Variants in NCKAP1L observed in about 807,000 individuals in gnomAD.
The protein encoded by NCKAP1L is NCK associated protein 1 like.
In NCKAP1L, 53 loss-of-function variants were observed where a neutral mutation model predicts 139.2. The ratio of observed to expected loss-of-function variants is 0.38; its 90% confidence interval spans 0.31 to 0.48. NCKAP1L has a LOEUF of 0.48. NCKAP1L is among the 20% of genes least tolerant of loss of function. NCKAP1L has a pLI of 0.98. For synonymous variants in NCKAP1L, 468 were observed against 499.7 expected (o/e 0.94, Z 0.85); for missense variants, 1,151 against 1,381.9 (o/e 0.83, Z 2.65).
At chr12:54,519,765 T>C (rs2706261) in intron 16 of NCKAP1L, among the ~76,000 whole-genome samples, 152,112 of 152,246 alleles carry the variant, frequency 1, 75,989 homozygotes, top group Middle Eastern at 1. Flanking sequence ...TTCTGTATTC[T>C]CTTTTGTTCT....
intron 29 of NCKAP1L, among the ~76,000 whole-genome samples, chr12:54,538,628 C>T (rs577042798): frequency 6.6e-5 from 10 of 152,150 alleles, no homozygotes; most frequent in Admixed American, 2.0e-4. Context: ...AGGTCGTTTC[C>T]CTGCCCCTTG....
At chr12:54,503,325 T>C (rs1467806672) in intron 3 of NCKAP1L, among the ~76,000 whole-genome samples, 1 of 151,924 alleles carries the variant, frequency 6.6e-6, no homozygotes, top group African/African-American at 2.4e-5. Flanking sequence ...AAAATTAATA[T>C]GATGTTTTTG....
chr12:54,514,120 A>G (rs1956911137), intron 9 of NCKAP1L, among the ~76,000 whole-genome samples: 2 of 152,104 alleles, frequency 1.3e-5, no homozygotes. Context: ...TATGTTTTGG[A>G]TATCTTTGAA....
chr12:54,531,364 T>C lies in NCKAP1L; in HGVS notation c.2604+7T>C. ...TCAGATTGTGGAGCTGAAGGTACTA[T>C]GGAAACAATCCCTTGGGGAAAAGAT... is the stretch of plus-strand genomic sequence containing the variant. On this transcript the variant is annotated splice_region_variant and intron_variant, in intron 23 of 30. Coordinates refer to ENST00000293373, the MANE Select transcript of NCKAP1L (RefSeq NM_005337.5). 6.2e-7 allele frequency: 1 copy of C among 1,613,822 alleles called. No individual in the cohort carries two copies. The highest frequency in any genetic ancestry group is 1.1e-5 in the South Asian group (1 of 91,066).
chr12:54,536,995 C>T lies in NCKAP1L; in HGVS notation c.3125C>T (p.Ala1042Val). The T allele has an allele frequency of 1.2e-6, 2 of 1,613,814 alleles. No homozygotes were observed. Among genetic ancestry groups the T allele is most frequent in the African/African-American group, 1.3e-5 (1 of 75,050 alleles). ...CLTKAIIQVS[A>V]ALFTLYNKNI... Reference sequence around the variant, plus strand: ...ACCAAAGCCATCATCCAGGTGTCTGCTGCCCTCTTCACGCTCTACAACAAG... The same window carrying T: ...ACCAAAGCCATCATCCAGGTGTCTGTTGCCCTCTTCACGCTCTACAACAAG... Residue 1042 changes from alanine to valine, a missense_variant, in exon 29 of 31, where the codon GCT becomes GTT. By Grantham distance (64) the Ala-to-Val change is moderately conservative (BLOSUM62 0). Coordinates refer to ENST00000293373, the MANE Select transcript of NCKAP1L (RefSeq NM_005337.5).
rs932395271 is a variant in NCKAP1L, at chr12:54,498,823, A to G, written c.103-532A>G. The G allele has an allele frequency of 2.2e-5, 22 of 985,106 alleles. No individual in the cohort carries two copies. The African/African-American group carries it at 3.5e-4, about 16-fold the overall frequency. 61.0% of individuals were successfully genotyped at this position (985,106 alleles called of 1,614,324 possible). A position where few individuals can be genotyped will look rare whatever the true frequency, so the allele number is the denominator to read the frequency against. The stretch of plus-strand genomic sequence containing the variant: ...CAGGCATTAAACTCTACCCATCAAG[A>G]CAAAATGCCTAGGTTGTTATTTCGC... On this transcript the variant is annotated intron_variant, in intron 1 of 30. Coordinates refer to ENST00000293373, the MANE Select transcript of NCKAP1L (RefSeq NM_005337.5).
At chr12:54,499,291 A>G (rs1956777373) in intron 1 of NCKAP1L, 64 bp from the exon 2 acceptor site, 2 of 918,122 alleles carry the variant, frequency 2.2e-6, no homozygotes, top group Non-Finnish European at 3.6e-6. Context: ...TGAATGTTGC[A>G]AGAAGAGGTA....
At chr12:54,516,582 A>G (rs1481712639) in intron 10 of NCKAP1L, among the ~76,000 whole-genome samples, 1 of 151,576 alleles carries the variant, frequency 6.6e-6, no homozygotes, top group Non-Finnish European at 1.5e-5. Flanking sequence ...AGTAGCTGGG[A>G]TTACAGGCAC....
At chr12:54,531,614 G>A (rs775795320) in intron 24 of NCKAP1L, 30 bp downstream of exon 24, 25 of 1,611,308 alleles carry the variant, frequency 1.6e-5, no homozygotes, top group Non-Finnish European at 1.6e-5. Context: ...ATAGTGAGAA[G>A]GAGCTGTGGA....
intron 30 of NCKAP1L, among the ~76,000 whole-genome samples, chr12:54,540,151 GT>G (rs1282159270): frequency 6.6e-6 from 1 of 152,180 alleles, no homozygotes; most frequent in Non-Finnish European, 1.5e-5. Flanking sequence ...ATACTAGTTT[GT>G]TAGCTTGATT....
Position 54,536,932 on chromosome 12 carries a change from A to G in NCKAP1L, c.3074-12A>G, listed in dbSNP as rs777495727. On this transcript the variant is annotated splice_polypyrimidine_tract_variant and intron_variant, in intron 28 of 30. Coordinates refer to ENST00000293373, the MANE Select transcript of NCKAP1L (RefSeq NM_005337.5). The stretch of plus-strand genomic sequence containing the variant: ...CTCTTTTTTCTCTCCATCTATATCA[A>G]TAATAACCTAGGTTACAACAACAAT... 9 of 1,582,112 alleles carry G rather than the reference A, an allele frequency of 5.7e-6. No individual in the cohort carries two copies.
chr12:54,517,256 GT>G (rs1239562021), intron 11 of NCKAP1L, among the ~76,000 whole-genome samples: 1 of 152,240 alleles, frequency 6.6e-6, no homozygotes, highest in East Asian at 1.9e-4. Context: ...GACAGAGCTT[GT>G]TTTTTTGTTT....
chr12:54,522,536 A>C (rs1259712567), intron 18 of NCKAP1L, among the ~76,000 whole-genome samples: 1 of 152,266 alleles, frequency 6.6e-6, no homozygotes, highest in Non-Finnish European at 1.5e-5. Context: ...AACTGCTTTC[A>C]GAATCTGCTA....
chr12:54,539,910 A>G (rs1180332737), intron 30 of NCKAP1L, among the ~76,000 whole-genome samples: 1 of 152,194 alleles, frequency 6.6e-6, no homozygotes, highest in Non-Finnish European at 1.5e-5. Context: ...ATATACCTCT[A>G]GTGCCCAAGG....
In NCKAP1L at chr12:54,520,751, G is replaced by A; in HGVS notation, c.1683G>A (p.Met561Ile). The change falls in exon 17 of 31, where the codon ATG (methionine) becomes ATA (isoleucine). Residue 561 changes from methionine to isoleucine, a missense_variant. By Grantham distance (10) the Met-to-Ile change is conservative (BLOSUM62 1). Transcript: ENST00000293373. ...CCATGACCTTGGAGGAATCTGCCAT[G>A]TTGCGTTATGCCATTGCTTTCCCCC... ...MFAMTLEESA[M>I]LRYAIAFPLI... The A allele has an allele frequency of 1.2e-6, 2 of 1,614,098 alleles. No homozygotes were observed. The highest frequency in any genetic ancestry group is 8.5e-7 in the Non-Finnish European group (1 of 1,180,016).
At chr12:54,526,504 A>ATT (rs368111457) in intron 20 of NCKAP1L, 24 bp from the exon 21 acceptor site, 48 of 1,194,748 alleles carry the variant, frequency 4.0e-5, no homozygotes, top group Middle Eastern at 2.1e-4. Context: ...TGTAATTCTA[A>ATT]TTTTTTTTTT....
chr12:54,532,123 G>T, intron 25 of NCKAP1L, 47 bp from the exon 26 acceptor site: 1 of 1,344,632 alleles, frequency 7.4e-7, no homozygotes, highest in South Asian at 1.3e-5. Context: ...ATTTTTGAAG[G>T]CATTGGTCAT....
chr12:54,536,308 G>A (rs990350279), intron 28 of NCKAP1L, 63 bp downstream of exon 28: 2 of 1,179,136 alleles, frequency 1.7e-6, no homozygotes. Context: ...GGTAGAGAGA[G>A]GAGACAGAGA....
chr12:54,523,498 A>G lies in NCKAP1L; in HGVS notation c.1983A>G (p.Pro661=). ...AAGGAGAGCCCGAGAGGGACAAGCC[A>G]GGAGCTGAGAGTCACCGGAAGAACC... ...PRKGEPERDK[P]GAESHRKNRS... Residue 661 remains proline (P), a synonymous_variant, in exon 19 of 31, where the codon CCA becomes CCG. Coordinates refer to ENST00000293373, the MANE Select transcript of NCKAP1L (RefSeq NM_005337.5). 6.2e-7 allele frequency: 1 copy of G among 1,614,030 alleles called. No homozygotes were observed. Among genetic ancestry groups the G allele is most frequent in the Non-Finnish European group, 8.5e-7 (1 of 1,179,996 alleles).
Sources: gnomAD v4.1 joint callset for allele counts (sites outside exome capture counted in the v4.1 genomes callset) on GRCh38, gnomAD v4.1.1 for gene constraint, MANE v1.5 for transcripts, NCBI Gene and HGNC (gene_info 2026-07-23, HGNC 2026-07-21) for gene names.